The following GPC6 variants were observed in gnomAD, a reference collection of about 807,000 sequenced individuals.
The protein encoded by GPC6 is glypican-6.
In GPC6, 14 loss-of-function variants were observed where a neutral mutation model predicts 55.2. The observed-to-expected ratio is 0.25, with a 90% CI of 0.17 to 0.40. The LOEUF is 0.40. Among genes scored for constraint, GPC6 ranks in the 10% least tolerant of loss-of-function variants. The pLI, the probability that GPC6 is intolerant of heterozygous loss-of-function variation, is 1.00. For synonymous variants in GPC6, 278 were observed against 259.6 expected, an observed-to-expected ratio of 1.07 and a Z score of -0.68; for missense variants, 641 against 708.5, an observed-to-expected ratio of 0.90 and a Z score of 1.08.
intron 1 of GPC6, among the ~76,000 whole-genome samples, chr13:93,326,320 G>A (rs1278292866): frequency 6.6e-6 from 1 of 152,140 alleles, no homozygotes; most frequent in African/African-American, 2.4e-5. Flanking sequence ...TCTGGGTGGG[G>A]CTTGAGATTC....
chr13:93,913,510 A>G (rs892576067), intron 3 of GPC6, among the ~76,000 whole-genome samples: 1 of 152,086 alleles, frequency 6.6e-6, no homozygotes, highest in African/African-American at 2.4e-5. Flanking sequence ...TTTGTTTTCT[A>G]TAATGTTTTT....
chr13:94,105,654 A>G (rs1478069195), intron 4 of GPC6, among the ~76,000 whole-genome samples: 3 of 152,186 alleles, frequency 2.0e-5, no homozygotes, highest in African/African-American at 4.8e-5. Context: ...TGGAGCCACA[A>G]AAGTTTAGGG....
chr13:93,543,023 T>C (rs893846178), intron 1 of GPC6, among the ~76,000 whole-genome samples: 3 of 152,176 alleles, frequency 2.0e-5, no homozygotes, highest in African/African-American at 7.2e-5. Flanking sequence ...TATTTCCTTC[T>C]GCTGCCTGAT....
intron 2 of GPC6, among the ~76,000 whole-genome samples, chr13:93,781,433 G>C (rs1885648664): frequency 6.6e-6 from 1 of 152,174 alleles, no homozygotes; most frequent in South Asian, 2.1e-4. Context: ...CAAGCAAGAT[G>C]CCCAAGTTAA....
rs551885685 is a variant in GPC6 at position 94,215,444 on chromosome 13, A to G, written c.878-70905A>G. ...TATGTATAATTTTTTTCTATATGCT[A>G]TGTAAATAAATGTATGATATACATA... On this transcript the variant is annotated intron_variant, in intron 4 of 8. Coordinates refer to ENST00000377047, the MANE Select transcript of GPC6 (RefSeq NM_005708.5). Among the ~76,000 whole-genome samples, 8 of 152,250 alleles carry G rather than the reference A, an allele frequency of 5.3e-5. No homozygotes were observed. The South Asian group carries it at 1.5e-3, about 28-fold the overall frequency.
intron 2 of GPC6, among the ~76,000 whole-genome samples, chr13:93,770,970 A>C (rs1303961523): frequency 6.6e-6 from 1 of 151,952 alleles, no homozygotes; most frequent in Non-Finnish European, 1.5e-5. Context: ...GTAGCAGAGG[A>C]TGTGCTTTGT....
At chr13:93,797,850 G>T (rs946169898) in intron 2 of GPC6, among the ~76,000 whole-genome samples, 1 of 151,982 alleles carries the variant, frequency 6.6e-6, no homozygotes, top group Non-Finnish European at 1.5e-5. Flanking sequence ...TTTCGAACAT[G>T]TGAAATGTTC....
intron 1 of GPC6, among the ~76,000 whole-genome samples, chr13:93,263,606 C>A (rs1043925688): frequency 7.9e-5 from 12 of 152,136 alleles, no homozygotes; most frequent in African/African-American, 2.4e-5. Flanking sequence ...TTCAGGTGAT[C>A]CACTGGCCTT....
chr13:93,647,950 T>C (rs1424913258), intron 2 of GPC6, among the ~76,000 whole-genome samples: 1 of 152,056 alleles, frequency 6.6e-6, no homozygotes, highest in Non-Finnish European at 1.5e-5. Flanking sequence ...AAAGCAAATA[T>C]CTTGCTGCCT....
At chr13:94,328,319 T>C (rs1003762267) in intron 6 of GPC6, among the ~76,000 whole-genome samples, 1 of 152,214 alleles carries the variant, frequency 6.6e-6, no homozygotes, top group Non-Finnish European at 1.5e-5. Flanking sequence ...CATCTTTCCA[T>C]GCCCGATGCC....
intron 1 of GPC6, among the ~76,000 whole-genome samples, chr13:93,453,223 G>C (rs1878294818): frequency 6.6e-6 from 1 of 152,182 alleles, no homozygotes. Context: ...TCTAAAATCT[G>C]CTTTCTCTAA....
At chr13:93,560,883 C>T (rs780557874) in intron 2 of GPC6, among the ~76,000 whole-genome samples, 11 of 152,170 alleles carry the variant, frequency 7.2e-5, no homozygotes, top group African/African-American at 2.2e-4. Context: ...TGTCTTCTTG[C>T]GCATGTCAAA....
intron 1 of GPC6, among the ~76,000 whole-genome samples, chr13:93,462,038 GGAAA>G (rs1320920452): frequency 6.6e-6 from 1 of 152,012 alleles, no homozygotes; most frequent in Non-Finnish European, 1.5e-5. Context: ...TACTTTTGAT[GGAAA>G]GAAAGAAGAA....
intron 1 of GPC6, among the ~76,000 whole-genome samples, chr13:93,318,781 C>T (rs534636618): frequency 5.3e-5 from 8 of 152,156 alleles, no homozygotes; most frequent in South Asian, 2.1e-4. Flanking sequence ...TTGTGAAATA[C>T]GGGGCTGAAA....
At chr13:93,979,215 T>C (rs753222507) in intron 3 of GPC6, among the ~76,000 whole-genome samples, 6 of 152,074 alleles carry the variant, frequency 3.9e-5, no homozygotes. Flanking sequence ...TACTTTAATA[T>C]GTCTAAGTAT....
intron 2 of GPC6, among the ~76,000 whole-genome samples, chr13:93,580,865 T>C (rs1035008277): frequency 6.6e-6 from 1 of 152,176 alleles, no homozygotes; most frequent in Admixed American, 6.5e-5. Context: ...AGCCAGCATC[T>C]ATTGCATAAC....
chr13:93,605,412 C>T lies in GPC6; in HGVS notation c.319+59991C>T, dbSNP rs1327151620. Among the ~76,000 whole-genome samples the T allele has an allele frequency of 2.0e-5, 3 of 152,146 alleles. No homozygotes were observed. The East Asian group carries it at 5.8e-4, about 29-fold the overall frequency. ...TTGCACAAGGAAAACTAGCTAATTC[C>T]TCCTTTGATAGACTTTCTTTTAAGA... On this transcript the variant is annotated intron_variant, in intron 2 of 8. Transcript: ENST00000377047.
intron 3 of GPC6, among the ~76,000 whole-genome samples, chr13:93,927,092 G>A (rs550399134): frequency 3.3e-5 from 5 of 152,246 alleles, no homozygotes; most frequent in East Asian, 3.9e-4. Context: ...TGTGCTGTAC[G>A]AAATAGATTA....
intron 4 of GPC6, among the ~76,000 whole-genome samples, chr13:94,128,151 G>A (rs946757528): frequency 5.3e-5 from 8 of 152,036 alleles, no homozygotes; most frequent in African/African-American, 1.9e-4. Context: ...TTATTTAGAA[G>A]GAAACACTTT....
Sources: gnomAD v4.1 joint callset for allele counts (sites outside exome capture counted in the v4.1 genomes callset) on GRCh38, gnomAD v4.1.1 for gene constraint, MANE v1.5 for transcripts, NCBI Gene and HGNC (gene_info 2026-07-23, HGNC 2026-07-21) for gene names.